PACSIN2: variants seen among roughly 807,000 people sequenced by gnomAD.
The protein encoded by PACSIN2 is protein kinase C and casein kinase substrate in neurons 2, also known as protein kinase C and casein kinase substrate in neurons protein 2.
In PACSIN2, 25 loss-of-function variants were observed where a neutral mutation model predicts 63.8. The observed-to-expected ratio is 0.39, with a 90% CI of 0.29 to 0.55. The LOEUF (loss-of-function observed/expected upper bound fraction) is 0.55, where lower values mean the gene tolerates loss of function less well. Among genes scored for constraint, PACSIN2 ranks in the 20% least tolerant of loss-of-function variants. PACSIN2 has a pLI of 0.62. For synonymous variants in PACSIN2, 255 were observed against 256.2 expected (o/e 1.00, Z 0.05); for missense variants, 518 against 646.9 (o/e 0.80, Z 2.16).
chr22:42,998,732 T>C (rs933972750), intron 1 of PACSIN2, among the ~76,000 whole-genome samples: 8 of 152,152 alleles, frequency 5.3e-5, no homozygotes, highest in African/African-American at 1.9e-4. Flanking sequence ...AGGCCCTAAA[T>C]GAGAACAAGC....
chr22:42,990,495 G>A (rs977806686), intron 1 of PACSIN2, among the ~76,000 whole-genome samples: 1 of 152,226 alleles, frequency 6.6e-6, no homozygotes, highest in Non-Finnish European at 1.5e-5. Flanking sequence ...GGAGTATGGG[G>A]ACGGGGGTGG....
At chr22:42,902,029 C>T (rs987131861) in intron 2 of PACSIN2, among the ~76,000 whole-genome samples, 1 of 152,246 alleles carries the variant, frequency 6.6e-6, no homozygotes, top group South Asian at 2.1e-4. Flanking sequence ...CGTCTGGCAA[C>T]ACTCTCTTGC....
chr22:43,004,401 C>T (rs1414323139), intron 1 of PACSIN2, among the ~76,000 whole-genome samples: 1 of 152,230 alleles, frequency 6.6e-6, no homozygotes, highest in Non-Finnish European at 1.5e-5. Flanking sequence ...CATGCCCAGT[C>T]TCCTTATCTG....
intron 3 of PACSIN2, among the ~76,000 whole-genome samples, 183 bp from the exon 4 acceptor site, chr22:42,891,365 C>T (rs1929902921): frequency 6.6e-6 from 1 of 152,126 alleles, no homozygotes; most frequent in African/African-American, 2.4e-5. Context: ...TTGCTCTGCC[C>T]CTCGTGTTAG....
chr22:42,965,200 C>G (rs1200492511), intron 1 of PACSIN2, among the ~76,000 whole-genome samples: 2 of 152,298 alleles, frequency 1.3e-5, no homozygotes, highest in East Asian at 1.9e-4. Flanking sequence ...CTGTGTGTGT[C>G]TATGTGGATG....
chr22:42,945,325 C>T (rs149764164), intron 1 of PACSIN2, among the ~76,000 whole-genome samples: 193 of 152,242 alleles, frequency 1.3e-3, no homozygotes, highest in Non-Finnish European at 2.2e-3. Flanking sequence ...CTCTCAACCT[C>T]CTCTGCCTGT....
intron 1 of PACSIN2, among the ~76,000 whole-genome samples, chr22:42,938,042 T>C (rs972835930): frequency 2.0e-5 from 3 of 152,200 alleles, no homozygotes; most frequent in Non-Finnish European, 2.9e-5. Context: ...AAAATCATCA[T>C]GTTAAATACT....
At chr22:42,884,053 G>A (rs8139013) in intron 6 of PACSIN2, among the ~76,000 whole-genome samples, 13,539 of 151,654 alleles carry the variant, frequency 0.089, 708 homozygotes, top group Non-Finnish European at 0.12. Flanking sequence ...CTTGGTCCTA[G>A]CTGTGGCCCC....
At position 42,968,751 on chromosome 22, in the gene PACSIN2, C is replaced by T. The variant is rs545415156; in HGVS notation, c.-78+46270G>A. Among the ~76,000 whole-genome samples, 6 of 152,330 alleles carry T rather than the reference C, an allele frequency of 3.9e-5. No homozygotes were observed. The South Asian group carries it at 1.2e-3, about 32-fold the overall frequency. ...ACAGGAAAAGGGCAAATGTGTCTAT[C>T]AATGTCCTGGAGCTGGGATGCACTC... On this transcript the variant is annotated intron_variant, in intron 1 of 10. Transcript: ENST00000263246.
intron 1 of PACSIN2, among the ~76,000 whole-genome samples, chr22:42,997,420 T>G (rs1923481019): frequency 6.6e-6 from 1 of 151,964 alleles, no homozygotes; most frequent in Non-Finnish European, 1.5e-5. Flanking sequence ...TAGCCAGGCG[T>G]GGTGGCAGGC....
rs531993562 is a variant in PACSIN2, at chr22:42,876,227, C to T, written c.1258G>A (p.Asp420Asn). ...TCCGTCCCCGAGGTGGCGTCGTCGT[C>T]GAATGGATTCGAGTCCCCATTGGCA... ...TDANGDSNPF[D>N]DDATSGTEVR... Residue 420 changes from aspartate (D) to asparagine (N), a missense_variant, in exon 10 of 11, where the codon GAC becomes AAC. Physicochemically the swap from Asp to Asn is conservative, Grantham distance 23. This residue lies in a region of PACSIN2 where 507 missense variants were observed against 612.3 expected (regional missense o/e 0.83). Coordinates refer to ENST00000263246, the MANE Select transcript of PACSIN2 (RefSeq NM_001184970.3). 25 of 1,614,212 alleles carry T rather than the reference C, an allele frequency of 1.5e-5. No homozygotes were observed. Among genetic ancestry groups the T allele is most frequent in the South Asian group, 1.2e-4 (11 of 91,086 alleles).
intron 6 of PACSIN2, among the ~76,000 whole-genome samples, chr22:42,883,100 G>C (rs1929202290): frequency 1.3e-5 from 2 of 152,128 alleles, no homozygotes; most frequent in South Asian, 4.1e-4. Flanking sequence ...CATATGACTG[G>C]TGCCTGTATT....
intron 1 of PACSIN2, among the ~76,000 whole-genome samples, chr22:42,960,322 A>G (rs548863186): frequency 5.3e-5 from 8 of 152,284 alleles, no homozygotes; most frequent in Non-Finnish European, 1.2e-4. Flanking sequence ...TACATGTGGA[A>G]GTCAACTTCC....
At chr22:42,976,064 CCT>C (rs1368820082) in intron 1 of PACSIN2, among the ~76,000 whole-genome samples, 1 of 152,174 alleles carries the variant, frequency 6.6e-6, no homozygotes, top group Non-Finnish European at 1.5e-5. Flanking sequence ...GCCTTCCCCT[CCT>C]CTGTCATTTG....
intron 1 of PACSIN2, among the ~76,000 whole-genome samples, chr22:42,926,502 C>G (rs998354859): frequency 3.9e-5 from 6 of 152,088 alleles, no homozygotes; most frequent in Non-Finnish European, 7.3e-5. Flanking sequence ...TGAAGAAAAA[C>G]AGTGGGAGGA....
chr22:42,873,612 G>C (rs1928348499), intron 10 of PACSIN2, among the ~76,000 whole-genome samples: 1 of 152,136 alleles, frequency 6.6e-6, no homozygotes, highest in South Asian at 2.1e-4. Context: ...GTAGCCTAGG[G>C]GCAAGGGCAC....
Position 42,876,122 on chromosome 22 carries a change from G to C in PACSIN2, c.1348+15C>G. 6.2e-7 allele frequency: 1 copy of C among 1,600,442 alleles called. No homozygotes were observed. Among genetic ancestry groups the C allele is most frequent in the South Asian group, 1.1e-5 (1 of 90,764 alleles). Reference sequence around the variant, plus strand: ...GGAAGCCCTCCTCCCCTGGATGCTGGGGGAGCCCACCTACCAGCCTTGAAG... The same window carrying C: ...GGAAGCCCTCCTCCCCTGGATGCTGCGGGAGCCCACCTACCAGCCTTGAAG... On this transcript the variant is annotated intron_variant, in intron 10 of 10. Coordinates refer to ENST00000263246, the MANE Select transcript of PACSIN2 (RefSeq NM_001184970.3).
intron 1 of PACSIN2, among the ~76,000 whole-genome samples, chr22:43,009,440 C>T (rs1601625379): frequency 6.6e-6 from 1 of 152,212 alleles, no homozygotes; most frequent in Non-Finnish European, 1.5e-5. Context: ...TGAGAGGGAG[C>T]TTAGAGATGG....
intron 1 of PACSIN2, among the ~76,000 whole-genome samples, chr22:43,008,568 C>A (rs190809126): frequency 3.9e-5 from 6 of 152,312 alleles, no homozygotes; most frequent in Admixed American, 2.6e-4. Flanking sequence ...TGTTCTTTTA[C>A]ATATATGAGC....
Sources: gnomAD v4.1 joint callset for allele counts (sites outside exome capture counted in the v4.1 genomes callset) on GRCh38, gnomAD v4.1.1 for gene constraint, gnomAD v4.1.1 regional missense constraint, MANE v1.5 for transcripts, NCBI Gene and HGNC (gene_info 2026-07-23, HGNC 2026-07-21) for gene names.